The following AGBL4 variants were observed in gnomAD, a reference collection of about 807,000 sequenced individuals.
The protein encoded by AGBL4 is AGBL carboxypeptidase 4, also known as cytosolic carboxypeptidase 6.
In AGBL4, 58 loss-of-function variants were observed where a neutral mutation model predicts 66.4. The observed-to-expected ratio is 0.87, with a 90% CI of 0.71 to 1.09. AGBL4 has a LOEUF of 1.09. AGBL4 is among the 50% of genes least tolerant of loss of function. The pLI is 0.00. For synonymous variants in AGBL4, 234 were observed against 222.9 expected (o/e 1.05, Z -0.44); for missense variants, 579 against 631.0 (o/e 0.92, Z 0.88).
chr1:48,984,157 A>G (rs982323343), intron 5 of AGBL4, among the ~76,000 whole-genome samples: 1 of 152,018 alleles, frequency 6.6e-6, no homozygotes, highest in Non-Finnish European at 1.5e-5. Context: ...AAGCTCAGGG[A>G]AAGTTGCTAC....
chr1:49,463,208 G>A (rs988980794), intron 3 of AGBL4, among the ~76,000 whole-genome samples: 3 of 151,658 alleles, frequency 2.0e-5, no homozygotes, highest in African/African-American at 7.3e-5. Flanking sequence ...TTAAGTTTCA[G>A]AGTCAGGATT....
intron 6 of AGBL4, among the ~76,000 whole-genome samples, chr1:48,827,871 G>A (rs1646461198): frequency 6.6e-6 from 1 of 151,898 alleles, no homozygotes; most frequent in African/African-American, 2.4e-5. Flanking sequence ...ATTGAAAATG[G>A]GGGCCAGGAG....
At chr1:48,523,745 T>A in the AGBL4 span, among the ~76,000 whole-genome samples, 1 of 152,172 alleles carries the variant, frequency 6.6e-6, no homozygotes, top group Non-Finnish European at 1.5e-5. Flanking sequence ...ATGCATTGTT[T>A]AATGACAGGG....
intron 9 of AGBL4, among the ~76,000 whole-genome samples, chr1:48,599,371 C>T (rs539531902): frequency 2.0e-5 from 3 of 152,256 alleles, no homozygotes; most frequent in East Asian, 3.9e-4. Flanking sequence ...GGCAGCACAG[C>T]AGGTTGGTTT....
At chr1:49,785,337 TA>T (rs1292999161) in intron 2 of AGBL4, among the ~76,000 whole-genome samples, 1 of 152,066 alleles carries the variant, frequency 6.6e-6, no homozygotes, top group Non-Finnish European at 1.5e-5. Flanking sequence ...ATGTTCTCTC[TA>T]CAAAAAAATG....
At chr1:48,961,288 T>C (rs1031200765) in intron 5 of AGBL4, among the ~76,000 whole-genome samples, 1 of 152,202 alleles carries the variant, frequency 6.6e-6, no homozygotes, top group Non-Finnish European at 1.5e-5. Flanking sequence ...GCATAAATCA[T>C]GGAAGTGGCA....
chr1:49,655,927 T>A (rs150355489), intron 3 of AGBL4, among the ~76,000 whole-genome samples: 1,745 of 152,230 alleles, frequency 0.011, 32 homozygotes, highest in African/African-American at 0.031. Flanking sequence ...GGTGGGCAGA[T>A]CATGAGGTCA....
At chr1:48,752,811 A>G (rs1166306609) in intron 6 of AGBL4, among the ~76,000 whole-genome samples, 1 of 151,626 alleles carries the variant, frequency 6.6e-6, no homozygotes, top group Non-Finnish European at 1.5e-5. Flanking sequence ...GTGCAGTGGC[A>G]TGATCTTGGC....
chr1:49,114,673 T>C (rs1645479675), intron 4 of AGBL4, among the ~76,000 whole-genome samples: 1 of 152,204 alleles, frequency 6.6e-6, no homozygotes, highest in Non-Finnish European at 1.5e-5. Context: ...TGACTCTTCC[T>C]TTCATTTGAA....
intron 4 of AGBL4, among the ~76,000 whole-genome samples, chr1:49,195,134 A>G (rs1647203395): frequency 6.6e-6 from 1 of 151,918 alleles, no homozygotes; most frequent in Admixed American, 6.6e-5. Context: ...GAACCACCAC[A>G]CTTGGCCTCT....
intron 2 of AGBL4, among the ~76,000 whole-genome samples, chr1:49,810,672 A>C (rs566490035): frequency 6.6e-6 from 1 of 152,304 alleles, no homozygotes; most frequent in East Asian, 1.9e-4. Flanking sequence ...TAAATATAGC[A>C]GACTGAAACA....
intron 3 of AGBL4, among the ~76,000 whole-genome samples, chr1:49,324,307 C>A (rs1047582914): frequency 3.9e-5 from 6 of 152,220 alleles, no homozygotes; most frequent in African/African-American, 1.4e-4. Flanking sequence ...TGAGCCCATG[C>A]TCACTGCATT....
At chr1:49,846,000 A>G (rs766444136) in intron 2 of AGBL4, 11 of 1,593,412 alleles carry the variant, frequency 6.9e-6, no homozygotes, top group African/African-American at 2.7e-5. Context: ...GAGAAGCCCT[A>G]CAAATGCAAC....
At chr1:49,355,039 A>T (rs1018520169) in intron 3 of AGBL4, among the ~76,000 whole-genome samples, 5 of 152,282 alleles carry the variant, frequency 3.3e-5, no homozygotes, top group Admixed American at 3.3e-4. Flanking sequence ...CTTTGGGATG[A>T]GGAAGGGATC....
chr1:49,582,509 A>G (rs1028420398), intron 3 of AGBL4, among the ~76,000 whole-genome samples: 29 of 152,180 alleles, frequency 1.9e-4, no homozygotes, highest in African/African-American at 7.0e-4. Context: ...AAGCCTGCAT[A>G]GCAACTCTCA....
At chr1:48,694,048 C>CAAA (rs61574470) in intron 6 of AGBL4, among the ~76,000 whole-genome samples, 665 of 56,912 alleles carry the variant, frequency 0.012, 11 homozygotes, top group African/African-American at 0.029. Flanking sequence ...TTTCCCTATT[C>CAAA]AAAAAAAAAA....
At chr1:48,523,657 C>G in the AGBL4 span, among the ~76,000 whole-genome samples, 1 of 152,120 alleles carries the variant, frequency 6.6e-6, no homozygotes, top group South Asian at 2.1e-4. Context: ...AAGTCCCCAC[C>G]CCATGTATTT....
intron 2 of AGBL4, among the ~76,000 whole-genome samples, chr1:49,826,880 A>G (rs1024399578): frequency 6.6e-6 from 1 of 152,200 alleles, no homozygotes; most frequent in African/African-American, 2.4e-5. Context: ...TAAAACTGAA[A>G]TTGTAAACTG....
At chr1:50,011,371 G>T (rs1258011639) in intron 1 of AGBL4, among the ~76,000 whole-genome samples, 1 of 152,234 alleles carries the variant, frequency 6.6e-6, no homozygotes, top group African/African-American at 2.4e-5. Context: ...TTATGTCAAA[G>T]ACAGGCAATA....
Sources: allele counts gnomAD v4.1 joint callset (sites outside exome capture counted in the v4.1 genomes callset), GRCh38; gene constraint gnomAD v4.1.1; transcripts MANE v1.5; gene names NCBI Gene and HGNC (gene_info 2026-07-23, HGNC 2026-07-21).